The following CD46 variants were observed in gnomAD, a reference collection of about 807,000 sequenced individuals.
CD46 encodes membrane cofactor protein.
In CD46, 30 loss-of-function variants were observed where a neutral mutation model predicts 53.3. The observed-to-expected ratio is 0.56, with a 90% CI of 0.42 to 0.76. The LOEUF is 0.76. CD46 is among the 30% of genes least tolerant of loss of function. The pLI is 0.00. For synonymous variants in CD46, 142 were observed against 152.0 expected (o/e 0.93, Z 0.48); for missense variants, 409 against 463.0 (o/e 0.88, Z 1.07).
Position 207,795,401 on chromosome 1 carries a change from G to A in CD46, c.*1924G>A, listed in dbSNP as rs896040795. On this transcript the variant is annotated 3_prime_UTR_variant, in exon 13 of 13. Coordinates refer to ENST00000367042, the MANE Select transcript of CD46 (RefSeq NM_172351.3). Reference sequence around the variant, plus strand: ...TCAAGAAAATTTAAGCTGCAAAAATGTATTTGCTATAAAATGAGAAGTCTC... The same window carrying A: ...TCAAGAAAATTTAAGCTGCAAAAATATATTTGCTATAAAATGAGAAGTCTC... The A allele has an allele frequency of 1.3e-5, 2 of 152,176 alleles. No individual in the cohort carries two copies. The highest frequency in any genetic ancestry group is 1.5e-5 in the Non-Finnish European group (1 of 68,038). 9.4% of individuals were successfully genotyped at this position (152,176 alleles called of 1,614,324 possible).
In CD46 at chr1:207,761,452, G is replaced by A; in HGVS notation, c.673+6G>A. 1.2e-6 allele frequency: 2 copies of A among 1,608,584 alleles called. No homozygotes were observed. The highest frequency in any genetic ancestry group is 1.1e-5 in the South Asian group (1 of 90,962). ...TGCTGCTCCAGAGTGTAAAGGTAGT[G>A]TTTCAATTTATTTCCTTCTTCATTT... On this transcript the variant is annotated splice_donor_region_variant and intron_variant, in intron 5 of 12. Coordinates refer to ENST00000367042, the MANE Select transcript of CD46 (RefSeq NM_172351.3).
chr1:207,759,527 C>A (rs565761078), intron 3 of CD46, 112 bp from the exon 4 acceptor site: 4 of 654,192 alleles, frequency 6.1e-6, no homozygotes, highest in Non-Finnish European at 1.1e-5. Context: ...TAAGAAACCA[C>A]CCCCTCAAAC....
intron 1 of CD46, among the ~76,000 whole-genome samples, chr1:207,754,781 T>C (rs1006529878): frequency 1.3e-5 from 2 of 152,000 alleles, no homozygotes; most frequent in African/African-American, 4.8e-5. Flanking sequence ...TGCATCTCAC[T>C]GATCATTAAA....
Position 207,795,440 on chromosome 1 carries a change from C to T in CD46, c.*1963C>T, listed in dbSNP as rs886045847. ...ATGAGAAGTCTCACTGATAGAGGTT[C>T]TTTATTGCTCATTTTTTAAAAAATG... On this transcript the variant is annotated 3_prime_UTR_variant, in exon 13 of 13. Transcript: ENST00000367042. The T allele has an allele frequency of 1.3e-5, 2 of 152,126 alleles. No individual in the cohort carries two copies. The highest frequency in any genetic ancestry group is 2.4e-5 in the African/African-American group (1 of 41,430). 9.4% of individuals were successfully genotyped at this position (152,126 alleles called of 1,614,324 possible).
chr1:207,793,499 C>T lies in CD46; in HGVS notation c.*42-20C>T, dbSNP rs1335695281. On this transcript the variant is annotated intron_variant, in intron 12 of 12. Transcript: ENST00000367042. The stretch of plus-strand genomic sequence containing the variant: ...TAATTATATTTATCTTTGACATGAT[C>T]TTTATACCTTGGTTTGCAGGAAAGC... 6.3e-7 allele frequency: 1 copy of T among 1,583,350 alleles called. No homozygotes were observed. The highest frequency in any genetic ancestry group is 1.1e-5 in the South Asian group (1 of 90,448).
Position 207,757,572 on chromosome 1 carries a change from A to G in CD46, c.319A>G (p.Asn107Asp), listed in dbSNP as rs752057103. ...ETCPYIRDPL[N>D]GQAVPANGTY... ...ATGTCCATATATACGGGATCCTTTA[A>G]ATGGCCAAGCAGTCCCTGCAAATGG... Residue 107 changes from asparagine to aspartate, a missense_variant, in exon 3 of 13, where the codon AAT becomes GAT. Coordinates refer to ENST00000367042, the MANE Select transcript of CD46 (RefSeq NM_172351.3). 6.2e-7 allele frequency: 1 copy of G among 1,610,510 alleles called. No individual in the cohort carries two copies. Among genetic ancestry groups the G allele is most frequent in the Non-Finnish European group, 8.5e-7 (1 of 1,177,488 alleles).
At chr1:207,789,792 G>C (rs1659614433) in intron 11 of CD46, among the ~76,000 whole-genome samples, 1 of 143,388 alleles carries the variant, frequency 7.0e-6, no homozygotes, top group African/African-American at 2.6e-5. Context: ...CAGCAACTTT[G>C]TGAGGCCGAG....
At chr1:207,791,416 G>A (rs1347764546) in intron 12 of CD46, among the ~76,000 whole-genome samples, 1 of 152,138 alleles carries the variant, frequency 6.6e-6, no homozygotes, top group Non-Finnish European at 1.5e-5. Flanking sequence ...AGTAAAATAA[G>A]GGTTACCTAA....
At chr1:207,758,992 A>G (rs975611678) in intron 3 of CD46, among the ~76,000 whole-genome samples, 9 of 152,220 alleles carry the variant, frequency 5.9e-5, no homozygotes, top group African/African-American at 2.2e-4. Flanking sequence ...GTGAATTTAA[A>G]TCAGGGAAGA....
chr1:207,765,007 A>G (rs1047241110), intron 5 of CD46, among the ~76,000 whole-genome samples: 1 of 151,960 alleles, frequency 6.6e-6, no homozygotes, highest in African/African-American at 2.4e-5. Context: ...GAAAATTACA[A>G]ATAATATCCT....
At chr1:207,761,561 T>C in intron 5 of CD46, 115 bp downstream of exon 5, 1 of 821,904 alleles carries the variant, frequency 1.2e-6, no homozygotes, top group Admixed American at 2.1e-5. Context: ...CCTGTATAAT[T>C]GGTTTCTAAT....
At chr1:207,790,669 A>G (rs1341615130) in intron 12 of CD46, among the ~76,000 whole-genome samples, 1 of 152,256 alleles carries the variant, frequency 6.6e-6, no homozygotes, top group Non-Finnish European at 1.5e-5. Context: ...AAATAACCAC[A>G]GAATCAACTC....
Position 207,767,228 on chromosome 1 carries a change from G to A in CD46, c.856+33G>A, listed in dbSNP as rs767779192. Reference sequence around the variant, plus strand: ...GGTTATCTTTTTTCTGTCTTGGTTTGTTATTGTTGTTGCTGTTCATTTTAG... The same window carrying A: ...GGTTATCTTTTTTCTGTCTTGGTTTATTATTGTTGTTGCTGTTCATTTTAG... On this transcript the variant is annotated intron_variant, in intron 6 of 12. Transcript: ENST00000367042. 5.2e-6 allele frequency: 8 copies of A among 1,550,554 alleles called. No individual in the cohort carries two copies. In the African/African-American group the frequency reaches 5.4e-5, roughly 11 times the overall value.
In CD46 at chr1:207,761,423, G is replaced by A. The variant is rs1266540901; in HGVS notation, c.650G>A (p.Ser217Asn). The A allele has an allele frequency of 6.2e-7, 1 of 1,613,788 alleles. No individual in the cohort carries two copies. The highest frequency in any genetic ancestry group is 1.3e-5 in the African/African-American group (1 of 74,922). ...TIYCGDNSVW[S>N]RAAPECKVVK... ...TATTGTGGTGACAATTCAGTGTGGA[G>A]TCGTGCTGCTCCAGAGTGTAAAGGT... Residue 217 changes from serine to asparagine, a missense_variant, in exon 5 of 13, where the codon AGT (serine) becomes AAT (asparagine). Ser to Asn is a conservative substitution (Grantham distance 46, BLOSUM62 1). Transcript: ENST00000367042.
chr1:207,783,277 C>A lies in CD46; in HGVS notation c.944-15C>A. ...TCTTTTATTAATTTAATCTATATTT[C>A]TTCTTTTTTCCTAGGATATCCTAAA... On this transcript the variant is annotated splice_polypyrimidine_tract_variant and intron_variant, in intron 8 of 12. Transcript: ENST00000367042. 3 of 1,382,150 alleles carry A rather than the reference C, an allele frequency of 2.2e-6. No homozygotes were observed. The highest frequency in any genetic ancestry group is 3.1e-6 in the Non-Finnish European group (3 of 973,268). 85.6% of individuals were successfully genotyped at this position (1,382,150 alleles called of 1,614,324 possible).
In CD46 at chr1:207,761,261, C is replaced by T. The variant is rs773650155; in HGVS notation, c.488C>T (p.Thr163Ile). 5 of 1,606,636 alleles carry T rather than the reference C, an allele frequency of 3.1e-6. No homozygotes were observed. Among genetic ancestry groups the T allele is most frequent in the East Asian group, 2.2e-5 (1 of 44,824 alleles). ...CTTCATTTTTAAGAGGTTTTGTGTA[C>T]ACCACCTCCAAAAATAAAAAATGGA... is the stretch of plus-strand genomic sequence containing the variant. Reference protein sequence around the residue: ...KPPICEKVLCTPPPKIKNGKH... With the variant: ...KPPICEKVLCIPPPKIKNGKH... Residue 163 changes from threonine to isoleucine, a missense_variant, in exon 5 of 13, where the codon ACA becomes ATA. Transcript: ENST00000367042.
intron 8 of CD46, among the ~76,000 whole-genome samples, chr1:207,774,891 T>C (rs929890654): frequency 6.6e-6 from 1 of 152,220 alleles, no homozygotes; most frequent in Non-Finnish European, 1.5e-5. Context: ...GGAGTATTTT[T>C]GTGGTGTTCT....
rs1657352743 is a variant in CD46 at position 207,770,333 on chromosome 1, C to T, written c.914C>T (p.Thr305Ile). The T allele has an allele frequency of 6.2e-7, 1 of 1,605,536 alleles. No individual in the cohort carries two copies. ...PASSASGPRPTYKPPVSNYPG... is the reference protein window; with the variant it reads ...PASSASGPRPIYKPPVSNYPG... ...CTTATTTTTCTAGGTCCTAGGCCTA[C>T]TTACAAGCCTCCAGTCTCAAATTAT... The change falls in exon 8 of 13, where the codon ACT becomes ATT. Residue 305 changes from threonine (T) to isoleucine (I), a missense_variant. Physicochemically the swap from Thr to Ile is moderately conservative, Grantham distance 89. Coordinates refer to ENST00000367042, the MANE Select transcript of CD46 (RefSeq NM_172351.3).
intron 12 of CD46, among the ~76,000 whole-genome samples, chr1:207,790,764 G>C (rs1379256412): frequency 6.6e-6 from 1 of 152,126 alleles, no homozygotes; most frequent in Non-Finnish European, 1.5e-5. Context: ...CAATTCCAAC[G>C]TATAAATAAC....
Sources: allele counts gnomAD v4.1 joint callset (sites outside exome capture counted in the v4.1 genomes callset), GRCh38; gene constraint gnomAD v4.1.1; transcripts MANE v1.5; gene names NCBI Gene and HGNC (gene_info 2026-07-23, HGNC 2026-07-21).